MFSD2B: variants seen among roughly 807,000 people sequenced by gnomAD.
The protein encoded by MFSD2B is MFSD2 lysolipid transporter B, sphingolipid, also known as sphingosine-1-phosphate transporter MFSD2B.
In MFSD2B, 56 loss-of-function variants were observed where a neutral mutation model predicts 58.4. The observed-to-expected ratio is 0.96, with a 90% confidence interval of 0.77 to 1.20. The LOEUF (loss-of-function observed/expected upper bound fraction) is 1.20. Ranked by LOEUF, MFSD2B falls within the 50% of genes most tolerant of loss-of-function variation. The pLI, the probability that MFSD2B is intolerant of heterozygous loss-of-function variation, is 0.00. For missense variants in MFSD2B, 645 were observed against 667.6 expected (o/e 0.97, Z 0.37); for synonymous variants, 287 against 294.4 (o/e 0.97, Z 0.26).
At position 24,023,982 on chromosome 2, in the gene MFSD2B, A is replaced by G; in HGVS notation, c.1314-113A>G. The G allele has an allele frequency of 8.7e-7, 1 of 1,152,304 alleles. No individual in the cohort carries two copies. The highest frequency in any genetic ancestry group is 1.2e-6 in the Non-Finnish European group (1 of 805,740). 71.4% of individuals were successfully genotyped at this position (1,152,304 alleles called of 1,614,324 possible). On this transcript the variant is annotated intron_variant, in intron 12 of 13. Transcript: ENST00000338315. This position sits in a 1 kb window ranked among gnomAD's most constrained non-coding sequence, Gnocchi z 5.0. The stretch of plus-strand genomic sequence containing the variant: ...ACACTCCTCTCCTGATCTGACCAGG[A>G]AATGAAGTCCACGTTTCAGGAGGGG...
chr2:24,017,089 GC>G lies in MFSD2B; in HGVS notation c.471+123del. The G allele has an allele frequency of 6.8e-7, 1 of 1,468,710 alleles. No homozygotes were observed. Among genetic ancestry groups the G allele is most frequent in the Non-Finnish European group, 9.3e-7 (1 of 1,077,934 alleles). The allele number at this position is 1,468,710 out of a possible 1,614,324, so 91.0% of individuals were successfully genotyped here. The stretch of plus-strand genomic sequence containing the variant: ...CCCCACCCGCCTGTGCCTGGACCAT[GC>G]CATTGGCACTCGCCAGCCTTGCGCG... On this transcript the variant is annotated intron_variant, in intron 4 of 13. Coordinates refer to ENST00000338315, the MANE Select transcript of MFSD2B (RefSeq NM_001346880.2). This position sits in a 1 kb window ranked among gnomAD's most constrained non-coding sequence, Gnocchi z 4.8.
rs1662769398 is a variant in MFSD2B, at chr2:24,021,184, C to G, written c.682-464C>G. Among the ~76,000 whole-genome samples, 1 of 152,200 alleles carries G rather than the reference C, an allele frequency of 6.6e-6. No homozygotes were observed. The highest frequency in any genetic ancestry group is 1.5e-5 in the Non-Finnish European group (1 of 68,038). On this transcript the variant is annotated intron_variant, in intron 6 of 13. Coordinates refer to ENST00000338315, the MANE Select transcript of MFSD2B (RefSeq NM_001346880.2). The surrounding 1 kb of genome is among the most constrained non-coding windows in gnomAD (Gnocchi z 5.7). ...AAGTGCTAGGATGACAGGCATGAGC[C>G]ACCGCGCCCGGCCCTGCTTCCTCCA... is the stretch of plus-strand genomic sequence containing the variant.
chr2:24,010,206 CG>C lies in MFSD2B; in HGVS notation c.96+18del. The C allele has an allele frequency of 2.9e-6, 4 of 1,376,296 alleles. No homozygotes were observed. Among genetic ancestry groups the C allele is most frequent in the South Asian group, 3.3e-5 (2 of 60,602 alleles). 85.3% of individuals were successfully genotyped at this position (1,376,296 alleles called of 1,614,324 possible). A position where few individuals can be genotyped will look rare whatever the true frequency, so the allele number is the denominator to read the frequency against. On this transcript the variant is annotated intron_variant, in intron 1 of 13. Coordinates refer to ENST00000338315, the MANE Select transcript of MFSD2B (RefSeq NM_001346880.2). ...CGAGGGCGAGAGGTGAGCGGGGCGG[CG>C]GGGACCGGGAAGGGGCTGCGTCCTC... is the stretch of plus-strand genomic sequence containing the variant.
Position 24,022,867 on chromosome 2 carries a change from C to A in MFSD2B, c.1024C>A (p.Arg342Ser), listed in dbSNP as rs773602625. The A allele has an allele frequency of 9.9e-6, 16 of 1,610,902 alleles. No homozygotes were observed. Among genetic ancestry groups the A allele is most frequent in the South Asian group, 8.8e-5 (8 of 90,464 alleles). ...STPLWEWVLQ[R>S]FGKKTSAFGI... ...CCCGCTGTGGGAGTGGGTTCTCCAG[C>A]GCTTTGGGAAGAAGACGTCAGCCTT... Residue 342 changes from arginine (R) to serine (S), a missense_variant, in exon 10 of 14, where the codon CGC becomes AGC. Arg to Ser is a moderately radical substitution (Grantham distance 110). Coordinates refer to ENST00000338315, the MANE Select transcript of MFSD2B (RefSeq NM_001346880.2). The surrounding 1 kb of genome is among the most constrained non-coding windows in gnomAD (Gnocchi z 4.5).
chr2:24,023,702 T>C lies in MFSD2B; in HGVS notation c.1289T>C (p.Leu430Pro), dbSNP rs1662883918. 6.2e-7 allele frequency: 1 copy of C among 1,613,902 alleles called. No homozygotes were observed. The highest frequency in any genetic ancestry group is 1.3e-5 in the African/African-American group (1 of 75,042). Residue 430 changes from leucine to proline, a missense_variant, in exon 12 of 14, where the codon CTG becomes CCG. Leu to Pro is a moderately conservative substitution (Grantham distance 98). Coordinates refer to ENST00000338315, the MANE Select transcript of MFSD2B (RefSeq NM_001346880.2). The surrounding 1 kb of genome is among the most constrained non-coding windows in gnomAD (Gnocchi z 5.0). ...FFTKLSGACA[L>P]GISTLSLEFS... Reference sequence around the variant, plus strand: ...ACCAAGCTGTCTGGCGCATGTGCCCTGGGCATCTCCACCCTCAGTCTGGAG... The same window carrying C: ...ACCAAGCTGTCTGGCGCATGTGCCCCGGGCATCTCCACCCTCAGTCTGGAG...
chr2:24,023,712 C>T lies in MFSD2B; in HGVS notation c.1299C>T (p.Ser433=). The T allele has an allele frequency of 6.2e-7, 1 of 1,613,890 alleles. No individual in the cohort carries two copies. Among genetic ancestry groups the T allele is most frequent in the Non-Finnish European group, 8.5e-7 (1 of 1,179,792 alleles). The change falls in exon 12 of 14, where the codon TCC becomes TCT. Residue 433 remains serine, a synonymous_variant. Coordinates refer to ENST00000338315, the MANE Select transcript of MFSD2B (RefSeq NM_001346880.2). This position sits in a 1 kb window ranked among gnomAD's most constrained non-coding sequence, Gnocchi z 5.0. The stretch of plus-strand genomic sequence containing the variant: ...CTGGCGCATGTGCCCTGGGCATCTC[C>T]ACCCTCAGTCTGGAGTGAGTCCCAG... The part of the protein sequence containing the change: ...KLSGACALGI[S]TLSLEFSGYK...
chr2:24,021,891 C>A lies in MFSD2B; in HGVS notation c.815C>A (p.Ala272Asp). The stretch of plus-strand genomic sequence containing the variant: ...TCAGGCCCAGGCTTGAGTTTCCTGG[C>A]TGGGCTGAGCCTCACTACCCGGCAC... ...PASGPGLSFL[A>D]GLSLTTRHPP... The change falls in exon 8 of 14, where the codon GCT becomes GAT. Residue 272 changes from alanine to aspartate, a missense_variant. Ala to Asp is a moderately radical substitution (Grantham distance 126). Coordinates refer to ENST00000338315, the MANE Select transcript of MFSD2B (RefSeq NM_001346880.2). This position sits in a 1 kb window ranked among gnomAD's most constrained non-coding sequence, Gnocchi z 5.7. The A allele has an allele frequency of 6.2e-7, 1 of 1,614,002 alleles. No homozygotes were observed. Among genetic ancestry groups the A allele is most frequent in the South Asian group, 1.1e-5 (1 of 91,080 alleles).
In MFSD2B at chr2:24,023,806, C is replaced by T; in HGVS notation, c.1313+80C>T. The T allele has an allele frequency of 1.3e-6, 2 of 1,531,348 alleles. No homozygotes were observed. The highest frequency in any genetic ancestry group is 1.8e-5 in the Admixed American group (1 of 55,854). 94.9% of individuals were successfully genotyped at this position (1,531,348 alleles called of 1,614,324 possible). On this transcript the variant is annotated intron_variant, in intron 12 of 13. Transcript: ENST00000338315. This position sits in a 1 kb window ranked among gnomAD's most constrained non-coding sequence, Gnocchi z 5.0. ...AGGGCAAAGCCCCTCACCTACCAAG[C>T]TCAGGGCATCCATGAGCCTGGGGCC... is the stretch of plus-strand genomic sequence containing the variant.
Position 24,017,231 on chromosome 2 carries a change from G to C in MFSD2B, c.472-55G>C. 6.6e-7 allele frequency: 1 copy of C among 1,523,086 alleles called. No individual in the cohort carries two copies. Among genetic ancestry groups the C allele is most frequent in the Non-Finnish European group, 8.9e-7 (1 of 1,124,900 alleles). The allele number at this position is 1,523,086 out of a possible 1,614,324, so 94.3% of individuals were successfully genotyped here. ...TGTGACACCCAGGATGGGGGAGGTC[G>C]CCCGCTGTCACCAGGCAAAGCTGGG... On this transcript the variant is annotated intron_variant, in intron 4 of 13. Transcript: ENST00000338315. This position sits in a 1 kb window ranked among gnomAD's most constrained non-coding sequence, Gnocchi z 4.8.
At chr2:24,018,730 AAAAG>A in intron 6 of MFSD2B, 1 of 174,372 alleles carries the variant, frequency 5.7e-6, no homozygotes, top group East Asian at 1.0e-4. Context: ...AAAAAAAAAA[AAAAG>A]GAGTTTGAGC....
In MFSD2B at chr2:24,021,105, C is replaced by T. The variant is rs745387509; in HGVS notation, c.682-543C>T. ...TAGAGATGGGGTTTCACGATGTTGG[C>T]CAGGCTGGTCTGGAACTCCTGACCT... On this transcript the variant is annotated intron_variant, in intron 6 of 13. Transcript: ENST00000338315. This position sits in a 1 kb window ranked among gnomAD's most constrained non-coding sequence, Gnocchi z 5.7. Among the ~76,000 whole-genome samples the T allele has an allele frequency of 6.6e-6, 1 of 151,990 alleles. No individual in the cohort carries two copies. Among genetic ancestry groups the T allele is most frequent in the Non-Finnish European group, 1.5e-5 (1 of 67,998 alleles).
rs1406137768 is a variant in MFSD2B at position 24,022,532 on chromosome 2, G to A, written c.978+16G>A. On this transcript the variant is annotated intron_variant, in intron 9 of 13. Coordinates refer to ENST00000338315, the MANE Select transcript of MFSD2B (RefSeq NM_001346880.2). The surrounding 1 kb of genome is among the most constrained non-coding windows in gnomAD (Gnocchi z 4.5). ...AACTGTCCTGGTGAGGGGGCCTGGG[G>A]TGGTGGAGGCTAGGTCACTTGGGGC... 5 of 1,606,190 alleles carry A rather than the reference G, an allele frequency of 3.1e-6. No individual in the cohort carries two copies. Among genetic ancestry groups the A allele is most frequent in the Admixed American group, 3.4e-5 (2 of 59,052 alleles).
chr2:24,017,035 G>A lies in MFSD2B; in HGVS notation c.471+67G>A. The A allele has an allele frequency of 6.9e-7, 1 of 1,445,836 alleles. No individual in the cohort carries two copies. The highest frequency in any genetic ancestry group is 1.8e-5 in the Admixed American group (1 of 56,112). 89.6% of individuals were successfully genotyped at this position (1,445,836 alleles called of 1,614,324 possible). A position where few individuals can be genotyped will look rare whatever the true frequency, so the allele number is the denominator to read the frequency against. ...CATTGCTGGCCATGGCCACTCTGAAGTGTGCTGTGGGGGCAGGGCTGCCGC... is the reference window on the plus strand; with the variant it reads ...CATTGCTGGCCATGGCCACTCTGAAATGTGCTGTGGGGGCAGGGCTGCCGC... On this transcript the variant is annotated intron_variant, in intron 4 of 13. Coordinates refer to ENST00000338315, the MANE Select transcript of MFSD2B (RefSeq NM_001346880.2). This position sits in a 1 kb window ranked among gnomAD's most constrained non-coding sequence, Gnocchi z 4.8.
At position 24,016,924 on chromosome 2, in the gene MFSD2B, C is replaced by G. The variant is rs542899500; in HGVS notation, c.427C>G (p.Leu143Val). 1.2e-6 allele frequency: 2 copies of G among 1,613,938 alleles called. No homozygotes were observed. The highest frequency in any genetic ancestry group is 1.3e-5 in the African/African-American group (1 of 75,072). The change falls in exon 4 of 14, where the codon CTC becomes GTC. Residue 143 changes from leucine (L) to valine (V), a missense_variant. Leu to Val is a conservative substitution (Grantham distance 32). Coordinates refer to ENST00000338315, the MANE Select transcript of MFSD2B (RefSeq NM_001346880.2). The part of the protein sequence containing the change: ...FLPPFTSLRG[L>V]WYTTFYCLFQ... ...GCCCCCCTTCACCAGCCTGCGAGGC[C>G]TCTGGTACACGACTTTCTACTGCCT...
rs781414682 is a variant in MFSD2B at position 24,022,538 on chromosome 2, G to A, written c.978+22G>A. On this transcript the variant is annotated intron_variant, in intron 9 of 13. Transcript: ENST00000338315. This position sits in a 1 kb window ranked among gnomAD's most constrained non-coding sequence, Gnocchi z 4.5. ...CCTGGTGAGGGGGCCTGGGGTGGTG[G>A]AGGCTAGGTCACTTGGGGCCCTGAG... 88 of 1,597,880 alleles carry A rather than the reference G, an allele frequency of 5.5e-5. 1 individual carries two copies. The South Asian group carries it at 9.1e-4, about 17-fold the overall frequency.
intron 3 of MFSD2B, 120 bp from the exon 4 acceptor site, chr2:24,016,725 G>A: frequency 7.9e-7 from 1 of 1,263,274 alleles, no homozygotes; most frequent in East Asian, 2.5e-5. Flanking sequence ...CTCCCACCCA[G>A]GGCGCCCCAG....
At position 24,022,456 on chromosome 2, in the gene MFSD2B, G is replaced by A; in HGVS notation, c.918G>A (p.Leu306=). 6.2e-7 allele frequency: 1 copy of A among 1,613,396 alleles called. No individual in the cohort carries two copies. The highest frequency in any genetic ancestry group is 2.2e-5 in the East Asian group (1 of 44,864). The change falls in exon 9 of 14, where the codon CTG becomes CTA. Residue 306 remains leucine, a synonymous_variant. Coordinates refer to ENST00000338315, the MANE Select transcript of MFSD2B (RefSeq NM_001346880.2). This position sits in a 1 kb window ranked among gnomAD's most constrained non-coding sequence, Gnocchi z 4.5. ...AVQVEQSYLV[L]FCTHASQLHD... is the part of the protein sequence containing the mutation. ...AGGTGGAGCAGAGCTACCTGGTCCT[G>A]TTCTGTACACATGCCTCCCAGCTAC...
Position 24,024,016 on chromosome 2 carries a change from GGGTGA to G in MFSD2B, c.1314-74_1314-70del. The G allele has an allele frequency of 7.1e-7, 1 of 1,410,584 alleles. No individual in the cohort carries two copies. The highest frequency in any genetic ancestry group is 9.8e-7 in the Non-Finnish European group (1 of 1,017,608). 87.4% of individuals were successfully genotyped at this position (1,410,584 alleles called of 1,614,324 possible). A position where few individuals can be genotyped will look rare whatever the true frequency, so the allele number is the denominator to read the frequency against. On this transcript the variant is annotated intron_variant, in intron 12 of 13. Transcript: ENST00000338315. This position sits in a 1 kb window ranked among gnomAD's most constrained non-coding sequence, Gnocchi z 4.3. ...CCACGTTTCAGGAGGGGGTGGGGTG[GGGTGA>G]GGTGTCGAGTCCCTCCACCCAGGGT... is the stretch of plus-strand genomic sequence containing the variant.
rs1466815466 is a variant in MFSD2B, at chr2:24,025,539, G to A, written c.*83G>A. On this transcript the variant is annotated 3_prime_UTR_variant, in exon 14 of 14. Coordinates refer to ENST00000338315, the MANE Select transcript of MFSD2B (RefSeq NM_001346880.2). ...CGCCCTCCTCAGCCCTCCAGCACCT[G>A]GTCTGGCAGTTTAGTATGTGACCTT... 9.4e-6 allele frequency: 12 copies of A among 1,276,538 alleles called. No individual in the cohort carries two copies. Among genetic ancestry groups the A allele is most frequent in the African/African-American group, 7.4e-5 (5 of 67,772 alleles). The allele number at this position is 1,276,538 out of a possible 1,614,324, so 79.1% of individuals were successfully genotyped here.
Sources: gnomAD v4.1 joint callset for allele counts (sites outside exome capture counted in the v4.1 genomes callset) on GRCh38, gnomAD v4.1.1 for gene constraint, Gnocchi (gnomAD v3.1) non-coding constraint, MANE v1.5 for transcripts, NCBI Gene and HGNC (gene_info 2026-07-23, HGNC 2026-07-21) for gene names.